Variants in KANSL1L observed in about 807,000 individuals in gnomAD.
KANSL1L encodes KAT8 regulatory NSL complex subunit 1 like, also known as KAT8 regulatory NSL complex subunit 1-like protein.
In KANSL1L, 25 loss-of-function variants were observed where a neutral mutation model predicts 108.6. The ratio of observed to expected loss-of-function variants is 0.23; its 90% confidence interval spans 0.17 to 0.32. KANSL1L has a LOEUF of 0.32. Ranked by LOEUF, KANSL1L falls within the 10% of genes least tolerant of loss-of-function variation. KANSL1L has a pLI of 1.00. For synonymous variants in KANSL1L, 405 were observed against 395.1 expected (o/e 1.03, Z -0.30); for missense variants, 1,137 against 1,125.7 (o/e 1.01, Z -0.14).
At chr2:210,036,622 A>G (rs1413409668) in intron 8 of KANSL1L, among the ~76,000 whole-genome samples, 1 of 152,232 alleles carries the variant, frequency 6.6e-6, no homozygotes, top group Non-Finnish European at 1.5e-5. Flanking sequence ...TAAGTGCTCA[A>G]TAAATTCTGA....
chr2:210,024,787 G>C (rs544594083), intron 13 of KANSL1L, among the ~76,000 whole-genome samples: 3 of 152,216 alleles, frequency 2.0e-5, no homozygotes, highest in Admixed American at 2.0e-4. Context: ...TCCCCAGTGT[G>C]AGGTCCATTA....
At chr2:210,143,956 A>G (rs911944193) in intron 2 of KANSL1L, among the ~76,000 whole-genome samples, 3 of 152,114 alleles carry the variant, frequency 2.0e-5, no homozygotes, top group East Asian at 1.9e-4. Context: ...CCTAATTAGC[A>G]TTCTTTTTCT....
chr2:210,109,708 T>C (rs2094885892), intron 3 of KANSL1L, among the ~76,000 whole-genome samples: 1 of 152,122 alleles, frequency 6.6e-6, no homozygotes, highest in Non-Finnish European at 1.5e-5. Context: ...TAATTTGTGC[T>C]TCCTATTAAA....
rs759996874 is a variant in KANSL1L, at chr2:210,029,832, C to T, written c.2242G>A (p.Val748Ile). The change falls in exon 10 of 15, where the codon GTT becomes ATT. Residue 748 changes from valine (V) to isoleucine (I), a missense_variant. Coordinates refer to ENST00000281772, the MANE Select transcript of KANSL1L (RefSeq NM_152519.4). The stretch of plus-strand genomic sequence containing the variant: ...GATGAATTCTGGATTCTTGATAAAA[C>T]GTTGACATTGGAAACAGCAGTAAAA... Reference protein sequence around the residue: ...SNFTAVSNVNVLSRIQNSSRN... With the variant: ...SNFTAVSNVNILSRIQNSSRN... 23 of 1,598,810 alleles carry T rather than the reference C, an allele frequency of 1.4e-5. No homozygotes were observed. The highest frequency in any genetic ancestry group is 1.7e-5 in the Non-Finnish European group (20 of 1,167,964).
chr2:210,028,780 A>T, intron 11 of KANSL1L, 65 bp downstream of exon 11: 1 of 1,197,774 alleles, frequency 8.3e-7, no homozygotes. Flanking sequence ...AAAATTCTTC[A>T]CTTTGAAAAT....
At chr2:210,154,662 C>T (rs2095323600) in intron 1 of KANSL1L, 51 bp from the exon 2 acceptor site, 11 of 1,203,036 alleles carry the variant, frequency 9.1e-6, no homozygotes, top group Non-Finnish European at 1.1e-5. Context: ...AAATTTTATG[C>T]TTATACTTTT....
intron 5 of KANSL1L, among the ~76,000 whole-genome samples, chr2:210,091,130 TAACTC>T (rs1445019325): frequency 6.6e-6 from 1 of 152,196 alleles, no homozygotes; most frequent in Non-Finnish European, 1.5e-5. Flanking sequence ...TAAGGATTAT[TAACTC>T]AACAACTAGA....
chr2:210,052,559 A>G (rs1057207645), intron 6 of KANSL1L, among the ~76,000 whole-genome samples: 1 of 152,194 alleles, frequency 6.6e-6, no homozygotes, highest in Non-Finnish European at 1.5e-5. Context: ...ATCTAACGTC[A>G]GTTATTCCAG....
At chr2:210,117,369 T>C (rs1193420485) in intron 3 of KANSL1L, among the ~76,000 whole-genome samples, 1 of 152,012 alleles carries the variant, frequency 6.6e-6, no homozygotes, top group Non-Finnish European at 1.5e-5. Flanking sequence ...AAATCTACAG[T>C]AAGATGCCAA....
chr2:210,157,227 C>G (rs1007108622), intron 1 of KANSL1L, among the ~76,000 whole-genome samples: 1 of 152,128 alleles, frequency 6.6e-6, no homozygotes, highest in African/African-American at 2.4e-5. Context: ...CAGCACTCCT[C>G]AAAAGATACT....
At position 210,106,340 on chromosome 2, in the gene KANSL1L, A is replaced by T. The variant is rs73984330; in HGVS notation, c.1231-2039T>A. On this transcript the variant is annotated intron_variant, in intron 3 of 14. Coordinates refer to ENST00000281772, the MANE Select transcript of KANSL1L (RefSeq NM_152519.4). ...ATAGATTAGTCTGATTTCAGAATCCATATTTATAAATCTGCATCTATGGGA... is the reference window on the plus strand; with the variant it reads ...ATAGATTAGTCTGATTTCAGAATCCTTATTTATAAATCTGCATCTATGGGA... 8.3e-3 allele frequency among the ~76,000 whole-genome samples: 1,263 copies of T among 152,300 alleles called. 24 individuals are homozygous for T. Among genetic ancestry groups the T allele is most frequent in the African/African-American group, 0.029 (1,188 of 41,542 alleles).
intron 6 of KANSL1L, among the ~76,000 whole-genome samples, chr2:210,051,464 CTTGT>C (rs1011042483): frequency 2.0e-5 from 3 of 151,630 alleles, no homozygotes; most frequent in Admixed American, 1.3e-4. Flanking sequence ...GGGAATGTAC[CTTGT>C]TTTTTAATAT....
rs866533753 is a variant in KANSL1L, at chr2:210,148,646, G to A, written c.1088+4849C>T. ...CAACCAAAAGTTATTATTAAAGTCC[G>A]TTAGTAATATCATTATGAATTAAAG... On this transcript the variant is annotated intron_variant, in intron 2 of 14. Transcript: ENST00000281772. 2.6e-5 allele frequency among the ~76,000 whole-genome samples: 4 copies of A among 152,178 alleles called. 1 individual carries two copies. Among genetic ancestry groups the A allele is most frequent in the Middle Eastern group, 6.8e-3 (2 of 294 alleles).
At chr2:210,143,300 T>C (rs907839510) in intron 2 of KANSL1L, among the ~76,000 whole-genome samples, 8 of 152,170 alleles carry the variant, frequency 5.3e-5, no homozygotes, top group African/African-American at 1.9e-4. Context: ...GAATACCATA[T>C]TTTATTCCTT....
At chr2:210,063,084 T>A (rs1339669968) in intron 6 of KANSL1L, among the ~76,000 whole-genome samples, 1 of 152,190 alleles carries the variant, frequency 6.6e-6, no homozygotes, top group African/African-American at 2.4e-5. Context: ...GCCTAGGAAC[T>A]TGGTGCCCTG....
chr2:210,115,021 G>A (rs1015968944), intron 3 of KANSL1L, among the ~76,000 whole-genome samples: 2 of 151,870 alleles, frequency 1.3e-5, no homozygotes, highest in Admixed American at 1.3e-4. Flanking sequence ...AGACAGTAGT[G>A]CAGGAAATGA....
intron 6 of KANSL1L, among the ~76,000 whole-genome samples, chr2:210,045,537 A>G (rs2094214404): frequency 6.6e-6 from 1 of 152,162 alleles, no homozygotes; most frequent in African/African-American, 2.4e-5. Flanking sequence ...TACCACCCAT[A>G]TATTTATCTC....
At chr2:210,096,712 G>T in intron 5 of KANSL1L, 1 of 958,248 alleles carries the variant, frequency 1.0e-6, no homozygotes. Context: ...AAATATCATA[G>T]TTATCCTATA....
At chr2:210,170,401 G>T in intron 1 of KANSL1L, 1 of 985,194 alleles carries the variant, frequency 1.0e-6, no homozygotes, top group South Asian at 4.7e-5. Flanking sequence ...TTACAAGAAC[G>T]TCCATCCAGT....
Sources: gnomAD v4.1 joint callset for allele counts (sites outside exome capture counted in the v4.1 genomes callset) on GRCh38, gnomAD v4.1.1 for gene constraint, MANE v1.5 for transcripts, NCBI Gene and HGNC (gene_info 2026-07-23, HGNC 2026-07-21) for gene names.